PCDH9: variants seen among roughly 807,000 people sequenced by gnomAD.
PCDH9 encodes protocadherin 9, also known as protocadherin-9.
A neutral mutation model predicts 70.6 loss-of-function variants in PCDH9; 24 were observed. The ratio of observed to expected loss-of-function variants is 0.34; its 90% CI spans 0.25 to 0.48. The LOEUF (loss-of-function observed/expected upper bound fraction) is 0.48. Ranked by LOEUF, PCDH9 falls within the 20% of genes least tolerant of loss-of-function variation. The pLI, the probability that PCDH9 is intolerant of heterozygous loss-of-function variation, is 0.99. For missense variants in PCDH9, 1,281 were observed against 1,503.6 expected, an observed-to-expected ratio of 0.85 and a Z score of 2.45; for synonymous variants, 562 against 558.5, an observed-to-expected ratio of 1.01 and a Z score of -0.09.
chr13:66,696,824 A>C (rs892348935), intron 3 of PCDH9, among the ~76,000 whole-genome samples: 3 of 137,912 alleles, frequency 2.2e-5, no homozygotes, highest in Non-Finnish European at 4.6e-5. Context: ...AAAGGTGACC[A>C]GGTGTAGTGG....
intron 4 of PCDH9, among the ~76,000 whole-genome samples, chr13:66,606,511 C>A (rs529701598): frequency 6.6e-6 from 1 of 152,158 alleles, no homozygotes; most frequent in East Asian, 1.9e-4. Flanking sequence ...GATAATAGGT[C>A]TTATTTTTTG....
chr13:67,012,736 A>C (rs533455867), intron 2 of PCDH9, among the ~76,000 whole-genome samples: 1 of 152,122 alleles, frequency 6.6e-6, no homozygotes, highest in Admixed American at 6.6e-5. Context: ...CAACTAAATC[A>C]AATAGTTAAC....
chr13:67,038,701 T>C (rs2085054791), intron 2 of PCDH9, among the ~76,000 whole-genome samples: 1 of 152,168 alleles, frequency 6.6e-6, no homozygotes, highest in African/African-American at 2.4e-5. Context: ...GAATAAGTAA[T>C]GTAAGTTTGA....
intron 3 of PCDH9, among the ~76,000 whole-genome samples, chr13:66,869,910 C>T (rs1975434): frequency 0.98 from 149,758 of 152,274 alleles, 73,683 homozygotes; most frequent in East Asian, 1. Flanking sequence ...AATGAGTCCA[C>T]AGAGAGCAAT....
intron 2 of PCDH9, among the ~76,000 whole-genome samples, chr13:66,917,652 C>G (rs139802677): frequency 1.3e-5 from 2 of 151,232 alleles, no homozygotes; most frequent in Non-Finnish European, 3.0e-5. Context: ...ATAGAACATA[C>G]GCAAGACAGA....
At chr13:66,378,407 A>C (rs1250372813) in intron 4 of PCDH9, among the ~76,000 whole-genome samples, 2 of 152,040 alleles carry the variant, frequency 1.3e-5, no homozygotes, top group East Asian at 3.9e-4. Context: ...TCCTTCTGAG[A>C]TTGGGACAAT....
chr13:67,089,987 G>A (rs2086185891), intron 2 of PCDH9, among the ~76,000 whole-genome samples: 1 of 151,892 alleles, frequency 6.6e-6, no homozygotes, highest in Non-Finnish European at 1.5e-5. Flanking sequence ...GGTTTTGCAA[G>A]TTTTCCACAA....
intron 4 of PCDH9, among the ~76,000 whole-genome samples, chr13:66,410,585 C>G (rs567850076): frequency 1.3e-5 from 2 of 152,174 alleles, no homozygotes. Flanking sequence ...AATGCTCCAG[C>G]CATTGCAGTC....
chr13:66,593,415 A>C (rs1396336847), intron 4 of PCDH9, among the ~76,000 whole-genome samples: 1 of 151,736 alleles, frequency 6.6e-6, no homozygotes, highest in Non-Finnish European at 1.5e-5. Flanking sequence ...CTATAATTAT[A>C]TATTCTTCCC....
intron 2 of PCDH9, among the ~76,000 whole-genome samples, chr13:66,961,480 AG>A (rs1375205962): frequency 6.6e-6 from 1 of 152,228 alleles, no homozygotes; most frequent in Non-Finnish European, 1.5e-5. Flanking sequence ...TCAAAATTTA[AG>A]AAATATTGAA....
intron 2 of PCDH9, among the ~76,000 whole-genome samples, chr13:67,027,447 C>A (rs1466192653): frequency 1.3e-5 from 2 of 152,162 alleles, no homozygotes; most frequent in Non-Finnish European, 2.9e-5. Flanking sequence ...GAACGTTAGA[C>A]CTAAAACCAT....
At chr13:66,840,970 G>A (rs1019662890) in intron 3 of PCDH9, among the ~76,000 whole-genome samples, 1 of 152,196 alleles carries the variant, frequency 6.6e-6, no homozygotes, top group African/African-American at 2.4e-5. Flanking sequence ...TTTTGTAGAA[G>A]CCATTTGGGT....
intron 2 of PCDH9, among the ~76,000 whole-genome samples, chr13:67,069,975 C>G (rs2085728166): frequency 6.6e-6 from 1 of 151,718 alleles, no homozygotes; most frequent in African/African-American, 2.4e-5. Context: ...TTCCCTCTAT[C>G]TTTTCATATA....
At chr13:66,437,601 T>C (rs1180737463) in intron 4 of PCDH9, among the ~76,000 whole-genome samples, 5 of 151,634 alleles carry the variant, frequency 3.3e-5, no homozygotes, top group Admixed American at 6.6e-5. Context: ...AATGAAATAG[T>C]TTATATACCA....
intron 2 of PCDH9, among the ~76,000 whole-genome samples, chr13:66,927,798 C>A (rs1197483973): frequency 6.6e-6 from 1 of 152,022 alleles, no homozygotes; most frequent in Non-Finnish European, 1.5e-5. Context: ...AGTTTTATTA[C>A]CTTGTTAAAG....
intron 4 of PCDH9, among the ~76,000 whole-genome samples, chr13:66,357,945 G>T (rs9805874): frequency 0.26 from 8,847 of 34,432 alleles, 479 homozygotes; most frequent in East Asian, 0.49. Context: ...TGCAGAAAGC[G>T]CACAGAATTT....
chr13:66,651,313 T>A (rs1012201891), intron 3 of PCDH9, among the ~76,000 whole-genome samples: 5 of 151,916 alleles, frequency 3.3e-5, no homozygotes, highest in African/African-American at 9.6e-5. Context: ...AAATTAGAGA[T>A]GAAAACTGAG....
At chr13:67,207,636 T>A (rs2089382547) in intron 2 of PCDH9, 1 of 152,190 alleles carries the variant, frequency 6.6e-6, no homozygotes, top group Non-Finnish European at 1.5e-5. Context: ...GATCTTCTCT[T>A]TACAAAGCCT....
At chr13:67,110,241 C>A (rs921763964) in intron 2 of PCDH9, among the ~76,000 whole-genome samples, 2 of 151,480 alleles carry the variant, frequency 1.3e-5, no homozygotes, top group Admixed American at 1.3e-4. Flanking sequence ...GAGAGAGATA[C>A]GGCCGGGTGC....
Sources: allele counts gnomAD v4.1 joint callset (sites outside exome capture counted in the v4.1 genomes callset), GRCh38; gene constraint gnomAD v4.1.1; transcripts MANE v1.5; gene names NCBI Gene and HGNC (gene_info 2026-07-23, HGNC 2026-07-21).